The following VAV2 variants were observed in gnomAD, a reference collection of about 807,000 sequenced individuals.
VAV2 encodes the protein guanine nucleotide exchange factor VAV2.
A neutral mutation model predicts 132.5 loss-of-function variants in VAV2; 67 were observed. The observed-to-expected ratio is 0.51, with a 90% CI of 0.42 to 0.62. The LOEUF is 0.62. VAV2 is among the 20% of genes least tolerant of loss of function. The pLI is 0.00. For missense variants in VAV2, 938 were observed against 1,153.6 expected, an observed-to-expected ratio of 0.81 and a Z score of 2.71; for synonymous variants, 492 against 443.5, an observed-to-expected ratio of 1.11 and a Z score of -1.37.
chr9:133,905,758 G>A (rs1839627354), intron 2 of VAV2, among the ~76,000 whole-genome samples: 1 of 151,998 alleles, frequency 6.6e-6, no homozygotes, highest in Non-Finnish European at 1.5e-5. Context: ...CCTATAGCTG[G>A]GCGAGGTGAC....
At chr9:133,978,346 A>C (rs574686629) in intron 1 of VAV2, among the ~76,000 whole-genome samples, 1 of 152,188 alleles carries the variant, frequency 6.6e-6, no homozygotes, top group Non-Finnish European at 1.5e-5. Flanking sequence ...AAAGTCCTTA[A>C]CAACAGAAGA....
At chr9:133,811,715 C>G (rs532226831) in intron 5 of VAV2, among the ~76,000 whole-genome samples, 5 of 152,334 alleles carry the variant, frequency 3.3e-5, no homozygotes, top group African/African-American at 1.2e-4. Context: ...GGGAAAATGA[C>G]GCGTGCTGTT....
At chr9:133,766,702 C>G (rs569668027) in intron 29 of VAV2, among the ~76,000 whole-genome samples, 33 of 146,672 alleles carry the variant, frequency 2.2e-4, no homozygotes, top group African/African-American at 7.3e-4. Context: ...CACATGTATA[C>G]ATATGTAACA....
At chr9:133,915,469 C>T (rs1351566547) in intron 2 of VAV2, among the ~76,000 whole-genome samples, 3 of 152,184 alleles carry the variant, frequency 2.0e-5, no homozygotes, top group Non-Finnish European at 2.9e-5. Flanking sequence ...AAAAAAATGC[C>T]GGACAAGGGG....
intron 4 of VAV2, among the ~76,000 whole-genome samples, chr9:133,821,642 G>C (rs931393428): frequency 2.0e-5 from 3 of 152,234 alleles, no homozygotes; most frequent in Admixed American, 2.0e-4. Context: ...CATTAAAAAT[G>C]ACAGATTTTT....
chr9:133,786,924 A>G (rs1383143470), intron 16 of VAV2, among the ~76,000 whole-genome samples: 1 of 152,098 alleles, frequency 6.6e-6, no homozygotes, highest in Non-Finnish European at 1.5e-5. Flanking sequence ...AAGGGGAGAA[A>G]GAGGGAGGGA....
chr9:133,849,685 G>T (rs1024449010), intron 3 of VAV2, among the ~76,000 whole-genome samples: 14 of 152,172 alleles, frequency 9.2e-5, no homozygotes, highest in African/African-American at 3.1e-4. Flanking sequence ...GGAGGCACTG[G>T]GGGAGGGTCC....
chr9:133,932,709 G>T (rs2789844), intron 2 of VAV2, among the ~76,000 whole-genome samples: 133,094 of 152,182 alleles, frequency 0.87, 59,032 homozygotes, highest in East Asian at 0.97. Flanking sequence ...CAGGTCTGAC[G>T]GAAGCTTTGC....
chr9:133,982,213 C>A (rs1842716294), intron 1 of VAV2, among the ~76,000 whole-genome samples: 1 of 152,168 alleles, frequency 6.6e-6, no homozygotes, highest in Non-Finnish European at 1.5e-5. Context: ...AGGAAGGTGG[C>A]CAGTGTGCCT....
At chr9:133,854,707 C>T (rs1363422925) in intron 3 of VAV2, among the ~76,000 whole-genome samples, 1 of 152,244 alleles carries the variant, frequency 6.6e-6, no homozygotes, top group Non-Finnish European at 1.5e-5. Flanking sequence ...GACCTCCCCT[C>T]CCCAGGAAGG....
chr9:133,924,583 A>G (rs1347167903), intron 2 of VAV2, among the ~76,000 whole-genome samples: 1 of 152,184 alleles, frequency 6.6e-6, no homozygotes, highest in Non-Finnish European at 1.5e-5. Context: ...TAAGTCACCT[A>G]CACTGCAGCA....
chr9:133,981,307 C>T (rs1842685244), intron 1 of VAV2, among the ~76,000 whole-genome samples: 2 of 152,254 alleles, frequency 1.3e-5, no homozygotes, highest in Admixed American at 6.5e-5. Flanking sequence ...GACCACACCC[C>T]CCACTATACC....
At chr9:133,870,781 G>T (rs1837994981) in intron 2 of VAV2, among the ~76,000 whole-genome samples, 1 of 143,068 alleles carries the variant, frequency 7.0e-6, no homozygotes, top group African/African-American at 2.5e-5. Context: ...GGATAAGTGG[G>T]TATGTGGGTG....
intron 2 of VAV2, among the ~76,000 whole-genome samples, chr9:133,877,361 A>G (rs1838305186): frequency 6.6e-6 from 1 of 152,130 alleles, no homozygotes; most frequent in Admixed American, 6.5e-5. Context: ...GACAAGCCCA[A>G]AATCAGCCAC....
chr9:133,990,961 C>G (rs1315229947), intron 1 of VAV2, among the ~76,000 whole-genome samples: 2 of 152,160 alleles, frequency 1.3e-5, no homozygotes, highest in African/African-American at 4.8e-5. Context: ...GAGAAAGGCC[C>G]GGTCTCCTAG....
At chr9:133,957,605 C>T (rs1048521899) in intron 1 of VAV2, among the ~76,000 whole-genome samples, 4 of 152,076 alleles carry the variant, frequency 2.6e-5, no homozygotes, top group South Asian at 2.1e-4. Flanking sequence ...GCAAGAGGGA[C>T]GTCATCCCCG....
At chr9:133,791,943 TAC>T in intron 12 of VAV2, 74 bp from the exon 13 acceptor site, 1 of 1,063,020 alleles carries the variant, frequency 9.4e-7, no homozygotes, top group Non-Finnish European at 1.4e-6. Context: ...AAGCAGGCTG[TAC>T]TGGGTGGGGT....
chr9:133,824,883 G>A lies in VAV2; in HGVS notation c.449+9389C>T, dbSNP rs1251254689. Among the ~76,000 whole-genome samples the A allele has an allele frequency of 6.6e-6, 1 of 152,208 alleles. No homozygotes were observed. The highest frequency in any genetic ancestry group is 1.5e-5 in the Non-Finnish European group (1 of 68,036). ...TTCCTGTCCAGCGAGAGGGCTCAGG[G>A]CCCGGCCTGCAGCGCTCAGGGAGAT... On this transcript the variant is annotated intron_variant, in intron 4 of 29. Transcript: ENST00000371850. This position sits in a 1 kb window ranked among gnomAD's most constrained non-coding sequence, Gnocchi z 5.2.
chr9:133,959,334 C>T (rs1037139762), intron 1 of VAV2, among the ~76,000 whole-genome samples: 5 of 152,172 alleles, frequency 3.3e-5, no homozygotes, highest in African/African-American at 1.2e-4. Flanking sequence ...CCACCTCACT[C>T]AGGCCTCCGC....
Sources: gnomAD v4.1 joint callset for allele counts (sites outside exome capture counted in the v4.1 genomes callset) on GRCh38, gnomAD v4.1.1 for gene constraint, Gnocchi (gnomAD v3.1) non-coding constraint, MANE v1.5 for transcripts, NCBI Gene and HGNC (gene_info 2026-07-23, HGNC 2026-07-21) for gene names.